The following WIPF2 variants were observed in gnomAD, a reference collection of about 807,000 sequenced individuals.
The protein encoded by WIPF2 is WAS/WASL interacting protein family member 2.
A neutral mutation model predicts 38.8 loss-of-function variants in WIPF2; 23 were observed. The ratio of observed to expected loss-of-function variants is 0.59; its 90% CI spans 0.43 to 0.84. The LOEUF (loss-of-function observed/expected upper bound fraction) is 0.84, where lower values mean the gene tolerates loss of function less well. Among genes scored for constraint, WIPF2 ranks in the 40% least tolerant of loss-of-function variants. The probability of loss-of-function intolerance (pLI) is 0.00; values close to 1 mark genes in which losing one functional copy is unlikely to be tolerated. For synonymous variants in WIPF2, 210 were observed against 223.2 expected, an observed-to-expected ratio of 0.94 and a Z score of 0.53; for missense variants, 574 against 580.5, an observed-to-expected ratio of 0.99 and a Z score of 0.11.
chr17:40,278,391 T>A lies in WIPF2; in HGVS notation c.*166T>A. The A allele has an allele frequency of 1.4e-6, 1 of 735,324 alleles. No homozygotes were observed. Among genetic ancestry groups the A allele is most frequent in the Non-Finnish European group, 2.2e-6 (1 of 449,928 alleles). 45.5% of individuals were successfully genotyped at this position (735,324 alleles called of 1,614,324 possible). On this transcript the variant is annotated 3_prime_UTR_variant, in exon 8 of 8. Coordinates refer to ENST00000323571, the MANE Select transcript of WIPF2 (RefSeq NM_133264.5). Reference sequence around the variant, plus strand: ...CCCAGCTCACCTCCATCTATGCATCTCATCTCTGGATTTGGTGATCAGACT... The same window carrying A: ...CCCAGCTCACCTCCATCTATGCATCACATCTCTGGATTTGGTGATCAGACT...
chr17:40,244,704 G>T (rs1024421410), intron 1 of WIPF2, among the ~76,000 whole-genome samples: 1 of 152,140 alleles, frequency 6.6e-6, no homozygotes, highest in Non-Finnish European at 1.5e-5. Context: ...TAAAGCCTCA[G>T]ATTTCATCTC....
intron 1 of WIPF2, among the ~76,000 whole-genome samples, chr17:40,242,493 G>A (rs914058714): frequency 1.3e-5 from 2 of 152,074 alleles, no homozygotes; most frequent in East Asian, 1.9e-4. Context: ...TCCGCCTGCC[G>A]AGTTCAAGTG....
intron 1 of WIPF2, among the ~76,000 whole-genome samples, chr17:40,247,765 A>AC (rs965941916): frequency 3.3e-5 from 5 of 151,672 alleles, no homozygotes; most frequent in African/African-American, 4.8e-5. Flanking sequence ...CAAGCAGTCC[A>AC]CCCCCCTTGG....
rs1364289717 is a variant in WIPF2, at chr17:40,274,556, T to TG, written c.1180+558dup. ...ACATCCAGCCTTTCCTTGGAATTCT[T>TG]GAAAAAAAAAAAAAAAAAAAAAAAA... On this transcript the variant is annotated intron_variant, in intron 6 of 7. Transcript: ENST00000323571. Among the ~76,000 whole-genome samples the TG allele has an allele frequency of 1.3e-4, 4 of 31,550 alleles. No homozygotes were observed. The Admixed American group carries it at 1.8e-3, about 14-fold the overall frequency. 20.7% of individuals were successfully genotyped at this position (31,550 alleles called of 152,430 possible).
intron 1 of WIPF2, among the ~76,000 whole-genome samples, chr17:40,225,389 G>T (rs2030437504): frequency 1.3e-5 from 2 of 151,958 alleles, no homozygotes; most frequent in Non-Finnish European, 2.9e-5. Flanking sequence ...AGGAAAAAAA[G>T]GTGATATGTT....
intron 1 of WIPF2, among the ~76,000 whole-genome samples, chr17:40,237,389 C>T (rs1311335667): frequency 6.6e-6 from 1 of 151,710 alleles, no homozygotes; most frequent in Non-Finnish European, 1.5e-5. Context: ...TACAGGCGTG[C>T]GCCACAACGC....
chr17:40,260,481 C>T, intron 2 of WIPF2, 54 bp from the exon 3 acceptor site: 1 of 1,596,778 alleles, frequency 6.3e-7, no homozygotes, highest in Non-Finnish European at 8.5e-7. Context: ...GCCACCGCAC[C>T]CGGCCGATAA....
intron 6 of WIPF2, 117 bp from the exon 7 acceptor site, chr17:40,276,966 T>A (rs1184126209): frequency 7.0e-6 from 6 of 862,074 alleles, no homozygotes; most frequent in Non-Finnish European, 1.1e-5. Flanking sequence ...GGGCAGTAGG[T>A]CCTCACAGTA....
intron 1 of WIPF2, among the ~76,000 whole-genome samples, chr17:40,237,055 G>T (rs1433101969): frequency 6.6e-6 from 1 of 151,870 alleles, no homozygotes; most frequent in Non-Finnish European, 1.5e-5. Context: ...AGCATTCAGT[G>T]GACCTTTTCA....
At position 40,283,191 on chromosome 17, in the gene WIPF2, A is replaced by T. The variant is rs1163462406; in HGVS notation, c.*4966A>T. On this transcript the variant is annotated 3_prime_UTR_variant, in exon 8 of 8. Coordinates refer to ENST00000323571, the MANE Select transcript of WIPF2 (RefSeq NM_133264.5). ...AAAAAAAAAAAAAAAAAAAAAAAAA[A>T]ATTCTAGAGTTCTAGTTACCCTTCC... 1.4e-5 allele frequency: 2 copies of T among 144,048 alleles called. No homozygotes were observed. Among genetic ancestry groups the T allele is most frequent in the African/African-American group, 5.3e-5 (2 of 38,016 alleles). The allele number at this position is 144,048 out of a possible 1,614,324, so 8.9% of individuals were successfully genotyped here.
intron 5 of WIPF2, among the ~76,000 whole-genome samples, chr17:40,272,686 G>C (rs1026877843): frequency 2.0e-5 from 3 of 152,026 alleles, no homozygotes; most frequent in African/African-American, 7.3e-5. Context: ...GGGAAGGGGG[G>C]ATATCAGAAT....
At chr17:40,226,133 A>G (rs901105300) in intron 1 of WIPF2, among the ~76,000 whole-genome samples, 16 of 151,004 alleles carry the variant, frequency 1.1e-4, no homozygotes, top group Admixed American at 9.9e-4. Context: ...TTTCCTCCCA[A>G]TAATCCCTCT....
intron 1 of WIPF2, among the ~76,000 whole-genome samples, chr17:40,226,496 T>A (rs951320194): frequency 3.9e-5 from 6 of 152,004 alleles, no homozygotes; most frequent in African/African-American, 1.4e-4. Context: ...ATTACAGGCA[T>A]GAGCCACTGT....
At chr17:40,224,460 G>A (rs1208884407) in intron 1 of WIPF2, among the ~76,000 whole-genome samples, 1 of 147,572 alleles carries the variant, frequency 6.8e-6, no homozygotes, top group Non-Finnish European at 1.5e-5. Flanking sequence ...TGTTAGCGAG[G>A]ATGTCTTGAT....
intron 2 of WIPF2, among the ~76,000 whole-genome samples, chr17:40,258,779 TATTA>T (rs558951574): frequency 2.6e-5 from 4 of 151,460 alleles, no homozygotes; most frequent in East Asian, 2.0e-4. Flanking sequence ...ACTGATTTGG[TATTA>T]ATTAATTAAT....
chr17:40,238,052 G>A (rs59531138), intron 1 of WIPF2, among the ~76,000 whole-genome samples: 37 of 149,006 alleles, frequency 2.5e-4, no homozygotes, highest in African/African-American at 7.9e-4. Flanking sequence ...GCAACAGAGG[G>A]AGACTCCGTC....
chr17:40,248,129 G>GT lies in WIPF2; in HGVS notation c.-69-8251dup, dbSNP rs1275712060. ...AAGGTTGTGAAAAGCTGATACATCA[G>GT]TTTTTTTTTTTAATAAAAATTTAAA... On this transcript the variant is annotated intron_variant, in intron 1 of 7. Coordinates refer to ENST00000323571, the MANE Select transcript of WIPF2 (RefSeq NM_133264.5). Among the ~76,000 whole-genome samples, 407 of 79,250 alleles carry GT rather than the reference G, an allele frequency of 5.1e-3. 2 individuals are homozygous for GT. Among genetic ancestry groups the GT allele is most frequent in the African/African-American group, 0.015 (318 of 21,504 alleles). 52.0% of individuals were successfully genotyped at this position (79,250 alleles called of 152,430 possible). A position where few individuals can be genotyped will look rare whatever the true frequency, so the allele number is the denominator to read the frequency against.
In WIPF2 at chr17:40,277,723, C is replaced by CTTTTTTTTTT. The variant is rs528401568; in HGVS notation, c.1283-452_1283-443dup. On this transcript the variant is annotated intron_variant, in intron 7 of 7. Transcript: ENST00000323571. ...ATTGCTTCTCATCATCTTCGTTGTC[C>CTTTTTTTTTT]TTTTTTTTTTTTTTTTTTTGAGATA... Among the ~76,000 whole-genome samples, 125 of 97,596 alleles carry CTTTTTTTTTT rather than the reference C, an allele frequency of 1.3e-3. 19 individuals are homozygous for CTTTTTTTTTT. The highest frequency in any genetic ancestry group is 6.1e-3 in the African/African-American group (110 of 17,922). 64.0% of individuals were successfully genotyped at this position (97,596 alleles called of 152,430 possible).
At chr17:40,266,848 C>T (rs2032104207) in intron 5 of WIPF2, among the ~76,000 whole-genome samples, 1 of 152,076 alleles carries the variant, frequency 6.6e-6, no homozygotes, top group Admixed American at 6.5e-5. Flanking sequence ...AAGGGTTGGC[C>T]TTAGATAGGA....
Sources: gnomAD v4.1 joint callset for allele counts (sites outside exome capture counted in the v4.1 genomes callset) on GRCh38, gnomAD v4.1.1 for gene constraint, MANE v1.5 for transcripts, NCBI Gene and HGNC (gene_info 2026-07-23, HGNC 2026-07-21) for gene names.